TNC: variants seen among roughly 807,000 people sequenced by gnomAD.
TNC encodes the protein tenascin C.
TNC carries 109 observed loss-of-function variants against 202.4 expected under a neutral mutation model. The ratio of observed to expected loss-of-function variants is 0.54; its 90% CI spans 0.46 to 0.63. TNC has a LOEUF of 0.63. TNC is among the 30% of genes least tolerant of loss of function. The pLI is 0.00. For missense variants in TNC, 2,756 were observed against 2,833.3 expected (o/e 0.97, Z 0.62); for synonymous variants, 1,007 against 1,089.7 (o/e 0.92, Z 1.50).
intron 1 of TNC, among the ~76,000 whole-genome samples, chr9:115,093,860 G>A (rs961447914): frequency 9.8e-5 from 15 of 152,302 alleles, no homozygotes; most frequent in Admixed American, 3.3e-4. Flanking sequence ...ATGTTGCATC[G>A]TTGGGGGAAA....
chr9:115,092,875 C>T (rs1046574631), intron 1 of TNC, among the ~76,000 whole-genome samples: 4 of 152,092 alleles, frequency 2.6e-5, no homozygotes, highest in Admixed American at 1.3e-4. Context: ...CATGAGCCAC[C>T]GTGCCTGGCT....
intron 1 of TNC, among the ~76,000 whole-genome samples, chr9:115,105,476 T>C (rs932700247): frequency 2.0e-5 from 3 of 152,140 alleles, no homozygotes; most frequent in Non-Finnish European, 4.4e-5. Context: ...CAGCTCAAGA[T>C]CACATAGCTA....
At chr9:115,083,394 TAGTC>T (rs1367993220) in intron 4 of TNC, among the ~76,000 whole-genome samples, 1 of 152,062 alleles carries the variant, frequency 6.6e-6, no homozygotes, top group African/African-American at 2.4e-5. Context: ...TAAAGAAAAA[TAGTC>T]AGTGATCTCC....
At chr9:115,105,666 AC>A (rs1346630147) in intron 1 of TNC, among the ~76,000 whole-genome samples, 4 of 152,146 alleles carry the variant, frequency 2.6e-5, no homozygotes, top group Non-Finnish European at 5.9e-5. Flanking sequence ...GATATGTCTA[AC>A]CCCCTTAACT....
Position 115,035,215 on chromosome 9 carries a change from C to T in TNC, c.5776G>A (p.Gly1926Ser). Reference sequence around the variant, plus strand: ...TATACTTAAAATACCTTGACTGTGCCATCCACTGATTCATAGACCAGCAGG... The same window carrying T: ...TATACTTAAAATACCTTGACTGTGCTATCCACTGATTCATAGACCAGCAGG... ...GYLLVYESVD[G>S]TVKEVIVGPD... is the part of the protein sequence containing the mutation. The change falls in exon 22 of 28, where the codon GGC (glycine) becomes AGC (serine). Residue 1926 changes from glycine (G) to serine (S), a missense_variant. By Grantham distance (56) the Gly-to-Ser change is moderately conservative. Transcript: ENST00000350763. 3 of 1,611,690 alleles carry T rather than the reference C, an allele frequency of 1.9e-6. No individual in the cohort carries two copies. The highest frequency in any genetic ancestry group is 4.5e-5 in the East Asian group (2 of 44,700).
intron 15 of TNC, among the ~76,000 whole-genome samples, chr9:115,049,058 A>G (rs1386611523): frequency 1.8e-5 from 2 of 110,654 alleles, no homozygotes; most frequent in African/African-American, 8.3e-5. Context: ...AGCTGAAATA[A>G]AGGGAGGAGG....
Position 115,087,207 on chromosome 9 carries a change from A to G in TNC, c.524T>C (p.Val175Ala). 2 of 1,614,230 alleles carry G rather than the reference A, an allele frequency of 1.2e-6. No homozygotes were observed. Among genetic ancestry groups the G allele is most frequent in the Non-Finnish European group, 1.7e-6 (2 of 1,180,048 alleles). ...GNFSTEGCGC[V>A]CEPGWKGPNC... Reference sequence around the variant, plus strand: ...GGGGCCTTTCCAGCCAGGTTCGCAGACACAGCCACATCCTTCAGTGCTGAA... The same window carrying G: ...GGGGCCTTTCCAGCCAGGTTCGCAGGCACAGCCACATCCTTCAGTGCTGAA... The change falls in exon 3 of 28, where the codon GTC becomes GCC. Residue 175 changes from valine to alanine, a missense_variant. By Grantham distance (64) the Val-to-Ala change is moderately conservative (BLOSUM62 0). Around this residue, in one of 2 missense-constraint regions of TNC, gnomAD observed 2,559 missense variants for 2,546.0 expected, o/e 1.01. Transcript: ENST00000350763.
At position 115,086,761 on chromosome 9, in the gene TNC, G is replaced by A. The variant is rs752265517; in HGVS notation, c.970C>T (p.Arg324Cys). 8 of 1,613,674 alleles carry A rather than the reference G, an allele frequency of 5.0e-6. No individual in the cohort carries two copies. The highest frequency in any genetic ancestry group is 2.7e-5 in the African/African-American group (2 of 74,914). Residue 324 changes from arginine (R) to cysteine (C), a missense_variant, in exon 3 of 28, where the codon CGC becomes TGC. By Grantham distance (180) the Arg-to-Cys change is radical. Around this residue, in one of 2 missense-constraint regions of TNC, gnomAD observed 2,559 missense variants for 2,546.0 expected, o/e 1.01. Transcript: ENST00000350763. ...CAGTAGCAGGTGCCATTGATGCAGC[G>A]GCCCCGGTCGAAGCAGTCATTGGGG... ...ICPNDCFDRGRCINGTCYCEE... is the reference protein window; with the variant it reads ...ICPNDCFDRGCCINGTCYCEE...
intron 1 of TNC, among the ~76,000 whole-genome samples, chr9:115,115,392 T>C (rs368410090): frequency 8.5e-5 from 13 of 152,294 alleles, no homozygotes; most frequent in African/African-American, 3.1e-4. Flanking sequence ...CACGGGGACC[T>C]GGGTGTGAAA....
chr9:115,079,335 T>C (rs1056908096), intron 6 of TNC, among the ~76,000 whole-genome samples: 2 of 152,142 alleles, frequency 1.3e-5, no homozygotes, highest in Admixed American at 1.3e-4. Flanking sequence ...TTACAGCAGA[T>C]TGTGAGAAAA....
intron 1 of TNC, among the ~76,000 whole-genome samples, chr9:115,108,049 C>T (rs1440831094): frequency 1.3e-5 from 2 of 152,296 alleles, no homozygotes; most frequent in East Asian, 1.9e-4. Flanking sequence ...TCTGCTGAGG[C>T]CTGGCTGTGC....
intron 2 of TNC, 118 bp from the exon 3 acceptor site, chr9:115,087,391 C>G (rs1393712817): frequency 7.1e-6 from 7 of 984,412 alleles, no homozygotes; most frequent in Non-Finnish European, 1.0e-5. Flanking sequence ...CAGGCTCCAT[C>G]TGGCTTGAGA....
intron 6 of TNC, among the ~76,000 whole-genome samples, chr9:115,079,467 A>G (rs1834133073): frequency 6.6e-6 from 1 of 152,196 alleles, no homozygotes; most frequent in African/African-American, 2.4e-5. Context: ...CTGTGTTCTT[A>G]TAGGTGCTAG....
At chr9:115,114,823 G>A (rs1419912042) in intron 1 of TNC, among the ~76,000 whole-genome samples, 1 of 152,188 alleles carries the variant, frequency 6.6e-6, no homozygotes, top group Non-Finnish European at 1.5e-5. Context: ...ACTTCCTTGA[G>A]TGTCGATTTC....
At chr9:115,043,805 C>T (rs1185755846) in intron 17 of TNC, among the ~76,000 whole-genome samples, 5 of 152,188 alleles carry the variant, frequency 3.3e-5, no homozygotes, top group African/African-American at 1.2e-4. Context: ...TTCCCTCTGC[C>T]AACCTGGTGT....
intron 6 of TNC, among the ~76,000 whole-genome samples, chr9:115,079,198 T>C (rs1834110871): frequency 6.6e-6 from 1 of 152,062 alleles, no homozygotes; most frequent in African/African-American, 2.4e-5. Flanking sequence ...ATTCAGTGAA[T>C]CTTTGAATCT....
At chr9:115,097,673 G>A (rs1187949638) in intron 1 of TNC, among the ~76,000 whole-genome samples, 2 of 152,210 alleles carry the variant, frequency 1.3e-5, no homozygotes, top group African/African-American at 4.8e-5. Flanking sequence ...AAAAGGCAAA[G>A]AAGTTGGAAT....
rs375460236 is a variant in TNC, at chr9:115,044,519, CT to C, written c.5125+1890del. ...TCCAAAAGAGCAGGGTCTGCCTTGC[CT>C]TTTTTTTTTGTTGTTCTTAAAAAAA... On this transcript the variant is annotated intron_variant, in intron 17 of 27. Transcript: ENST00000350763. 4.0e-3 allele frequency among the ~76,000 whole-genome samples: 586 copies of C among 146,038 alleles called. 2 individuals carry two copies. Among genetic ancestry groups the C allele is most frequent in the Middle Eastern group, 0.025 (7 of 284 alleles).
In TNC at chr9:115,081,823, T is replaced by A. The variant is rs1027655197; in HGVS notation, c.2353A>T (p.Ile785Leu). The change falls in exon 6 of 28, where the codon ATA becomes TTA. Residue 785 changes from isoleucine to leucine, a missense_variant. This residue lies in a region of TNC where 2,559 missense variants were observed against 2,546.0 expected (regional missense o/e 1.01). Transcript: ENST00000350763. ...GGGCCCCGGGTATTGTTTTTCACTA[T>A]GTGCAGAGATATCTCATACTCTTGC... ...PGQEYEISLH[I>L]VKNNTRGPGL... The A allele has an allele frequency of 6.2e-7, 1 of 1,612,468 alleles. No homozygotes were observed. Among genetic ancestry groups the A allele is most frequent in the African/African-American group, 1.3e-5 (1 of 74,830 alleles).
Sources: allele counts gnomAD v4.1 joint callset (sites outside exome capture counted in the v4.1 genomes callset), GRCh38; gene constraint gnomAD v4.1.1; regional missense constraint gnomAD v4.1.1; transcripts MANE v1.5; gene names NCBI Gene and HGNC (gene_info 2026-07-23, HGNC 2026-07-21).